The following CAST variants were observed in gnomAD, a reference collection of about 807,000 sequenced individuals.
CAST encodes MIR583 host.
In CAST, 76 loss-of-function variants were observed where a neutral mutation model predicts 119.6. That is an observed-to-expected ratio of 0.64 (90% CI 0.53 to 0.77). The LOEUF (loss-of-function observed/expected upper bound fraction) is 0.77, where lower values mean the gene tolerates loss of function less well. Among genes scored for constraint, CAST ranks in the 30% least tolerant of loss-of-function variants. The pLI, the probability that CAST is intolerant of heterozygous loss-of-function variation, is 0.00. For synonymous variants in CAST, 319 were observed against 331.6 expected (o/e 0.96, Z 0.41); for missense variants, 953 against 946.5 (o/e 1.01, Z -0.09).
chr5:96,256,646 G>T, the CAST span, among the ~76,000 whole-genome samples: 2 of 151,704 alleles, frequency 1.3e-5, no homozygotes, highest in African/African-American at 4.8e-5. Context: ...TCTAAACATA[G>T]AAAAGGTACA....
At chr5:96,574,678 G>A (rs1402526063) in intron 1 of CAST, among the ~76,000 whole-genome samples, 1 of 146,492 alleles carries the variant, frequency 6.8e-6, no homozygotes, top group Non-Finnish European at 1.5e-5. Context: ...TTACATTTAT[G>A]TTTACAATCC....
intron 2 of CAST, 153 bp from the exon 3 acceptor site, chr5:96,695,683 C>G: frequency 4.2e-6 from 2 of 477,584 alleles, no homozygotes; most frequent in Non-Finnish European, 7.9e-6. Context: ...GGCAAAGTAA[C>G]GAAAAATTCA....
At chr5:96,306,194 G>A in the CAST span, among the ~76,000 whole-genome samples, 8 of 152,106 alleles carry the variant, frequency 5.3e-5, no homozygotes, top group Non-Finnish European at 1.2e-4. Context: ...ATGTTTTCAG[G>A]AATTTATCTA....
At chr5:96,314,867 T>G in the CAST span, among the ~76,000 whole-genome samples, 1 of 152,354 alleles carries the variant, frequency 6.6e-6, no homozygotes, top group African/African-American at 2.4e-5. Context: ...TACTTTTGAC[T>G]GACCCTTTAA....
chr5:96,527,245 G>A (rs987911281), upstream of CAST, among the ~76,000 whole-genome samples: 2 of 152,186 alleles, frequency 1.3e-5, no homozygotes, highest in African/African-American at 4.8e-5. Context: ...CTGTGTTTTA[G>A]GGGGCCAATG....
chr5:96,693,496 A>G (rs1312040754), intron 2 of CAST, among the ~76,000 whole-genome samples: 1 of 152,234 alleles, frequency 6.6e-6, no homozygotes, highest in Non-Finnish European at 1.5e-5. Context: ...GGATTGGAAC[A>G]TGGCCTTCCT....
At chr5:96,146,810 T>A in the CAST span, among the ~76,000 whole-genome samples, 3 of 152,210 alleles carry the variant, frequency 2.0e-5, no homozygotes, top group South Asian at 6.2e-4. Flanking sequence ...AGCTTCCCTG[T>A]CTGTGTCAGT....
At chr5:96,033,038 T>C in the CAST span, among the ~76,000 whole-genome samples, 2 of 151,900 alleles carry the variant, frequency 1.3e-5, no homozygotes, top group East Asian at 1.9e-4. Flanking sequence ...CAGCAAACTA[T>C]CTGAAAAAGA....
At chr5:96,499,306 A>G in the CAST span, among the ~76,000 whole-genome samples, 1 of 152,226 alleles carries the variant, frequency 6.6e-6, no homozygotes, top group African/African-American at 2.4e-5. Flanking sequence ...GACCACTGCA[A>G]TAAACAATTG....
At chr5:96,475,137 A>G in the CAST span, among the ~76,000 whole-genome samples, 1 of 152,146 alleles carries the variant, frequency 6.6e-6, no homozygotes, top group Non-Finnish European at 1.5e-5. Context: ...CCCTGCCCCC[A>G]GAGTGAGCCA....
chr5:96,587,350 A>G (rs1237255771), intron 1 of CAST, among the ~76,000 whole-genome samples: 2 of 152,224 alleles, frequency 1.3e-5, no homozygotes, highest in African/African-American at 2.4e-5. Context: ...CAAGAGTAAC[A>G]TGCTAGGATT....
chr5:96,017,975 C>T, the CAST span, among the ~76,000 whole-genome samples: 1 of 151,956 alleles, frequency 6.6e-6, no homozygotes, highest in Non-Finnish European at 1.5e-5. Context: ...ATATAAAAGC[C>T]CAGATGGTTA....
chr5:96,135,598 G>A, the CAST span, among the ~76,000 whole-genome samples: 11 of 152,246 alleles, frequency 7.2e-5, no homozygotes, highest in East Asian at 1.7e-3. Flanking sequence ...ACAACCTTGA[G>A]ATCTCAGATC....
chr5:95,981,891 G>A, the CAST span, among the ~76,000 whole-genome samples: 99 of 152,016 alleles, frequency 6.5e-4, no homozygotes, highest in African/African-American at 2.3e-3. Context: ...AGAAAAAAAA[G>A]CATTTTATTT....
the CAST span, chr5:96,408,238 A>G: frequency 6.2e-7 from 1 of 1,613,736 alleles, no homozygotes; most frequent in Non-Finnish European, 8.5e-7. Context: ...TTCCAGGGCC[A>G]GAGCGAAGAT....
chr5:96,369,226 T>C, the CAST span, among the ~76,000 whole-genome samples: 1 of 151,988 alleles, frequency 6.6e-6, no homozygotes, highest in Admixed American at 6.5e-5. Flanking sequence ...TGATGGATTA[T>C]TACATAAATC....
the CAST span, among the ~76,000 whole-genome samples, chr5:96,508,030 A>ATTATTATTT: frequency 1.8e-4 from 23 of 130,654 alleles, 1 homozygote; most frequent in South Asian, 7.1e-4. Flanking sequence ...TATTATTATT[A>ATTATTATTT]TTTTATGTTA....
the CAST span, among the ~76,000 whole-genome samples, chr5:96,093,259 A>T: frequency 4.6e-5 from 7 of 152,338 alleles, no homozygotes; most frequent in African/African-American, 1.7e-4. Context: ...TATATGAAAC[A>T]GGTGAACAAT....
At chr5:96,152,555 T>C in the CAST span, among the ~76,000 whole-genome samples, 3 of 152,180 alleles carry the variant, frequency 2.0e-5, no homozygotes, top group Admixed American at 6.5e-5. Flanking sequence ...ACTGGTATCA[T>C]TGACACATCT....
Sources: allele counts gnomAD v4.1 joint callset (sites outside exome capture counted in the v4.1 genomes callset), GRCh38; gene constraint gnomAD v4.1.1; transcripts MANE v1.5; gene names NCBI Gene and HGNC (gene_info 2026-07-23, HGNC 2026-07-21).